LPP: variants seen among roughly 807,000 people sequenced by gnomAD.
The protein encoded by LPP is lipoma-preferred partner.
A neutral mutation model predicts 60.4 loss-of-function variants in LPP; 38 were observed. The observed-to-expected ratio is 0.63, with a 90% CI of 0.49 to 0.83. The LOEUF (loss-of-function observed/expected upper bound fraction) is 0.83. LPP is among the 40% of genes least tolerant of loss of function. The pLI, the probability that LPP is intolerant of heterozygous loss-of-function variation, is 0.00. For missense variants in LPP, 902 were observed against 783.6 expected (o/e 1.15, Z -1.80); for synonymous variants, 328 against 290.8 (o/e 1.13, Z -1.30).
chr3:188,675,717 A>G (rs746010898), intron 7 of LPP, among the ~76,000 whole-genome samples: 2 of 152,240 alleles, frequency 1.3e-5, no homozygotes, highest in Admixed American at 6.5e-5. Context: ...CAACTCCAAC[A>G]TTTAATAATT....
At chr3:188,471,920 A>ATGGCTGTT (rs1489932120) in intron 4 of LPP, among the ~76,000 whole-genome samples, 1 of 152,140 alleles carries the variant, frequency 6.6e-6, no homozygotes, top group African/African-American at 2.4e-5. Context: ...AGAGTGCTAG[A>ATGGCTGTT]TGGCTGTTGA....
At position 188,251,790 on chromosome 3, in the gene LPP, A is replaced by G. The variant is rs117908203; in HGVS notation, c.-67+26263A>G. Among the ~76,000 whole-genome samples, 24 of 151,822 alleles carry G rather than the reference A, an allele frequency of 1.6e-4. 1 individual carries two copies. In the East Asian group the frequency reaches 4.7e-3, roughly 29 times the overall value. ...TTTCCCCTATATCCCAATGGTCATTATGTTCATTTAAAATACAGTTGGGTT... is the reference window on the plus strand; with the variant it reads ...TTTCCCCTATATCCCAATGGTCATTGTGTTCATTTAAAATACAGTTGGGTT... On this transcript the variant is annotated intron_variant, in intron 2 of 11. Transcript: ENST00000617246.
Position 188,877,841 on chromosome 3 carries a change from G to A in LPP, c.*3362G>A, listed in dbSNP as rs981014283. On this transcript the variant is annotated 3_prime_UTR_variant, in exon 12 of 12. Coordinates refer to ENST00000617246, the MANE Select transcript of LPP (RefSeq NM_001375462.1). ...TGGCATCTCTGCAGCTCAAAGATGT[G>A]GGTTCTTTTTCTTGTCATTAACACA... The A allele has an allele frequency of 1.4e-5, 3 of 215,506 alleles. No homozygotes were observed. Among genetic ancestry groups the A allele is most frequent in the African/African-American group, 2.3e-5 (1 of 44,328 alleles). The allele number at this position is 215,506 out of a possible 1,614,324, so 13.3% of individuals were successfully genotyped here.
At position 188,875,411 on chromosome 3, in the gene LPP, T is replaced by G. The variant is rs116719849; in HGVS notation, c.*932T>G. ...TGTTTATTCTAATATCCAACACAACTATCAAAATTGCCTTTTTCTCTAGAG... is the reference window on the plus strand; with the variant it reads ...TGTTTATTCTAATATCCAACACAACGATCAAAATTGCCTTTTTCTCTAGAG... On this transcript the variant is annotated 3_prime_UTR_variant, in exon 12 of 12. Transcript: ENST00000617246. 709 of 217,256 alleles carry G rather than the reference T, an allele frequency of 3.3e-3. 12 individuals are homozygous for G. Among genetic ancestry groups the G allele is most frequent in the African/African-American group, 0.014 (622 of 44,550 alleles). 13.5% of individuals were successfully genotyped at this position (217,256 alleles called of 1,614,324 possible).
intron 1 of LPP, among the ~76,000 whole-genome samples, chr3:188,161,355 G>A (rs1399554246): frequency 6.6e-6 from 1 of 152,154 alleles, no homozygotes; most frequent in African/African-American, 2.4e-5. Flanking sequence ...AGGGAAAAAT[G>A]GATTCCAGAA....
chr3:188,846,082 G>A (rs1189343254), intron 9 of LPP, among the ~76,000 whole-genome samples: 1 of 152,214 alleles, frequency 6.6e-6, no homozygotes, highest in Non-Finnish European at 1.5e-5. Flanking sequence ...TGCTGTTTGT[G>A]CAGACACTGT....
At chr3:188,456,757 A>G (rs2149394253) in intron 4 of LPP, among the ~76,000 whole-genome samples, 1 of 152,368 alleles carries the variant, frequency 6.6e-6, no homozygotes, top group East Asian at 1.9e-4. Flanking sequence ...ACGCCTGTCG[A>G]TTTTTAAGAA....
At chr3:188,536,975 T>G (rs1425739031) in intron 6 of LPP, among the ~76,000 whole-genome samples, 1 of 152,242 alleles carries the variant, frequency 6.6e-6, no homozygotes, top group Non-Finnish European at 1.5e-5. Flanking sequence ...GAGTTATGTT[T>G]TATTTCCCAA....
chr3:188,592,553 T>TTTTTTTTTGTTTG (rs1553936328), intron 6 of LPP, among the ~76,000 whole-genome samples: 1 of 121,280 alleles, frequency 8.2e-6, no homozygotes, highest in African/African-American at 2.9e-5. Context: ...TTAGTTTTGT[T>TTTTTTTTTGTTTG]TTTGTTTTTT....
intron 7 of LPP, among the ~76,000 whole-genome samples, chr3:188,660,055 T>C (rs1208007608): frequency 6.6e-6 from 1 of 152,154 alleles, no homozygotes; most frequent in Non-Finnish European, 1.5e-5. Flanking sequence ...AGAGCACAGC[T>C]CACATATTTG....
At chr3:188,378,701 G>A (rs556447810) in intron 3 of LPP, among the ~76,000 whole-genome samples, 82 of 152,226 alleles carry the variant, frequency 5.4e-4, no homozygotes, top group African/African-American at 1.9e-3. Context: ...CTCGTGCACG[G>A]TGCACTGCAC....
intron 7 of LPP, among the ~76,000 whole-genome samples, chr3:188,613,508 C>T (rs1844264377): frequency 1.3e-5 from 2 of 152,066 alleles, no homozygotes. Flanking sequence ...GTATTTGCTA[C>T]ATAATGTGTA....
chr3:188,853,433 C>T (rs775122614), intron 9 of LPP, among the ~76,000 whole-genome samples: 6 of 151,956 alleles, frequency 3.9e-5, no homozygotes, highest in Non-Finnish European at 7.4e-5. Context: ...ATATCATGGG[C>T]CATATAATTT....
intron 7 of LPP, among the ~76,000 whole-genome samples, chr3:188,682,546 A>T (rs1318765380): frequency 6.6e-6 from 1 of 152,150 alleles, no homozygotes; most frequent in Non-Finnish European, 1.5e-5. Flanking sequence ...AGCATTTGTT[A>T]TGGTTACCTT....
In LPP at chr3:188,235,036, TAAAGG is replaced by T. The variant is rs141274339; in HGVS notation, c.-67+9512_-67+9516del. 2.8e-3 allele frequency among the ~76,000 whole-genome samples: 431 copies of T among 151,980 alleles called. 26 individuals are homozygous for T. In the East Asian group the frequency reaches 0.081, roughly 28 times the overall value. On this transcript the variant is annotated intron_variant, in intron 2 of 11. Coordinates refer to ENST00000617246, the MANE Select transcript of LPP (RefSeq NM_001375462.1). Reference sequence around the variant, plus strand: ...AGGTGATTGAACACTGGGACAAGAATAAAGGAAGGAAAGGAAGAGGGCATTTTAGG... The same window carrying T: ...AGGTGATTGAACACTGGGACAAGAATAAGGAAAGGAAGAGGGCATTTTAGG...
At chr3:188,170,739 T>C (rs1284168125) in intron 1 of LPP, among the ~76,000 whole-genome samples, 1 of 152,222 alleles carries the variant, frequency 6.6e-6, no homozygotes, top group African/African-American at 2.4e-5. Flanking sequence ...GCTTCTCTTA[T>C]TCTGGTGAAT....
chr3:188,586,852 C>T lies in LPP; in HGVS notation c.430-22309C>T, dbSNP rs569257130. Among the ~76,000 whole-genome samples the T allele has an allele frequency of 3.0e-3, 449 of 151,946 alleles. 3 individuals are homozygous for T. Among genetic ancestry groups the T allele is most frequent in the Non-Finnish European group, 2.5e-3 (168 of 67,960 alleles). ...CAGCAATTCTCCTGCCTCAGCCTCC[C>T]GAGTAGCTGGGACTACAGGCACGCA... On this transcript the variant is annotated intron_variant, in intron 6 of 11. Transcript: ENST00000617246.
intron 4 of LPP, among the ~76,000 whole-genome samples, chr3:188,416,056 A>G (rs1786183700): frequency 6.6e-6 from 1 of 152,130 alleles, no homozygotes. Context: ...GGTAAAATGT[A>G]CATGGAAACT....
Position 188,324,170 on chromosome 3 carries a change from A to G in LPP, c.-66-17493A>G, listed in dbSNP as rs549966313. ...AGATAGAAACCATGTTTTTCTATCT[A>G]TATAATGAACAATGTCATTTAAGAA... On this transcript the variant is annotated intron_variant, in intron 2 of 11. Coordinates refer to ENST00000617246, the MANE Select transcript of LPP (RefSeq NM_001375462.1). Among the ~76,000 whole-genome samples the G allele has an allele frequency of 2.6e-5, 4 of 152,332 alleles. No homozygotes were observed. The East Asian group carries it at 7.7e-4, about 29-fold the overall frequency.
Sources: allele counts gnomAD v4.1 joint callset (sites outside exome capture counted in the v4.1 genomes callset), GRCh38; gene constraint gnomAD v4.1.1; transcripts MANE v1.5; gene names NCBI Gene and HGNC (gene_info 2026-07-23, HGNC 2026-07-21).